RLF: variants seen among roughly 807,000 people sequenced by gnomAD.
RLF encodes zinc finger protein Rlf.
Under a neutral mutation model 162.9 loss-of-function variants are expected in RLF, and 7 were observed. The observed-to-expected ratio is 0.04, with a 90% CI of 0.02 to 0.08. The LOEUF is 0.08. RLF is among the 10% of genes least tolerant of loss of function. RLF has a pLI of 1.00. For missense variants in RLF, 1,664 were observed against 2,244.7 expected, an observed-to-expected ratio of 0.74 and a Z score of 5.23; for synonymous variants, 782 against 791.5, an observed-to-expected ratio of 0.99 and a Z score of 0.20.
At chr1:40,225,873 C>T (rs930630502) in intron 6 of RLF, among the ~76,000 whole-genome samples, 18 of 115,858 alleles carry the variant, frequency 1.6e-4, no homozygotes, top group African/African-American at 2.5e-4. Flanking sequence ...AGCGAGACTC[C>T]GTCGCAAAAA....
chr1:40,164,417 A>T (rs1003398326), intron 1 of RLF, among the ~76,000 whole-genome samples: 1 of 152,208 alleles, frequency 6.6e-6, no homozygotes, highest in Non-Finnish European at 1.5e-5. Flanking sequence ...TTCAATTTTC[A>T]TAAGTTTGTG....
At chr1:40,203,140 G>T (rs1642741631) in intron 5 of RLF, among the ~76,000 whole-genome samples, 1 of 130,794 alleles carries the variant, frequency 7.6e-6, no homozygotes. Context: ...TTTGAGACAA[G>T]GTCTTGCTCT....
chr1:40,202,825 T>C (rs141248437), intron 5 of RLF, among the ~76,000 whole-genome samples: 1 of 152,152 alleles, frequency 6.6e-6, no homozygotes, highest in African/African-American at 2.4e-5. Context: ...CTAAAGAATA[T>C]ACAGAGGCAT....
At chr1:40,197,398 C>T (rs1326870049) in intron 4 of RLF, among the ~76,000 whole-genome samples, 1 of 152,160 alleles carries the variant, frequency 6.6e-6, no homozygotes, top group Non-Finnish European at 1.5e-5. Flanking sequence ...ATTTCAGAAA[C>T]ATCCCAGAAT....
intron 1 of RLF, among the ~76,000 whole-genome samples, chr1:40,175,588 G>A (rs180734609): frequency 6.6e-6 from 1 of 152,168 alleles, no homozygotes; most frequent in South Asian, 2.1e-4. Flanking sequence ...GGCGGAGGTT[G>A]CAGTGAGCTG....
rs774407766 is a variant in RLF at position 40,237,979 on chromosome 1, G to T, written c.3277G>T (p.Ala1093Ser). Residue 1093 changes from alanine to serine, a missense_variant, in exon 8 of 8, where the codon GCT (alanine) becomes TCT (serine). Around this residue, in one of 15 missense-constraint regions of RLF, gnomAD observed 295 missense variants for 317.4 expected, o/e 0.93. Transcript: ENST00000372771. The surrounding 1 kb of genome is among the most constrained non-coding windows in gnomAD (Gnocchi z 4.4). The stretch of plus-strand genomic sequence containing the variant: ...ATTGCAGGGGTACCCATCCAGTGGT[G>T]CTAAGTCTCTTCAGTCAGTTTCATC... Reference protein sequence around the residue: ...GSLQGYPSSGAKSLQSVSSIS... With the variant: ...GSLQGYPSSGSKSLQSVSSIS... 1 of 1,614,108 alleles carries T rather than the reference G, an allele frequency of 6.2e-7. No individual in the cohort carries two copies. The highest frequency in any genetic ancestry group is 1.1e-5 in the South Asian group (1 of 91,068).
chr1:40,202,459 A>G lies in RLF; in HGVS notation c.655A>G (p.Ile219Val), dbSNP rs774340704. The change falls in exon 5 of 8, where the codon ATA (isoleucine) becomes GTA (valine). Residue 219 changes from isoleucine to valine, a missense_variant. By Grantham distance (29) the Ile-to-Val change is conservative. Around this residue, in one of 15 missense-constraint regions of RLF, gnomAD observed 287 missense variants for 404.9 expected, o/e 0.71. Transcript: ENST00000372771. The part of the protein sequence containing the change: ...QEGPSFLQMR[I>V]KHLLKSNCIP... ...AGGACCTTCCTTTCTGCAAATGCGA[A>G]TAAAACATTTGTTGAAATCTAACTG... 12 of 1,582,768 alleles carry G rather than the reference A, an allele frequency of 7.6e-6. No homozygotes were observed. Among genetic ancestry groups the G allele is most frequent in the East Asian group, 2.3e-5 (1 of 43,384 alleles).
In RLF at chr1:40,231,570, A is replaced by G; in HGVS notation, c.1001A>G (p.Asp334Gly). Residue 334 changes from aspartate to glycine, a missense_variant, in exon 7 of 8, where the codon GAT becomes GGT. Transcript: ENST00000372771. The part of the protein sequence containing the change: ...KLQRRIDPSL[D>G]TFLERCRQFG... The stretch of plus-strand genomic sequence containing the variant: ...CAAAGAAGAATTGACCCTTCTTTAG[A>G]TACTTTTTTGGAGCGCTGTCGTCAG... 1 of 1,614,050 alleles carries G rather than the reference A, an allele frequency of 6.2e-7. No homozygotes were observed. The highest frequency in any genetic ancestry group is 8.5e-7 in the Non-Finnish European group (1 of 1,179,926).
At chr1:40,212,685 G>C (rs568870125) in intron 5 of RLF, among the ~76,000 whole-genome samples, 66 of 152,270 alleles carry the variant, frequency 4.3e-4, no homozygotes, top group African/African-American at 1.5e-3. Context: ...TTCGGTATCT[G>C]ACGTGGTTGA....
intron 1 of RLF, among the ~76,000 whole-genome samples, chr1:40,187,579 C>T (rs145124286): frequency 4.7e-4 from 71 of 152,230 alleles, no homozygotes; most frequent in Middle Eastern, 3.4e-3. Flanking sequence ...GGTCGGTATA[C>T]TAAAAATAGC....
At position 40,201,142 on chromosome 1, in the gene RLF, A is replaced by G. The variant is rs1241203272; in HGVS notation, c.608-1270A>G. 8.5e-5 allele frequency among the ~76,000 whole-genome samples: 12 copies of G among 140,860 alleles called. No individual in the cohort carries two copies. In the East Asian group the frequency reaches 2.2e-3, roughly 26 times the overall value. 92.4% of individuals were successfully genotyped at this position (140,860 alleles called of 152,430 possible). ...TTTCAGGTCCCAGACCTAATAAATC[A>G]GAATCTGCATTTTAATAAGCTCCCT... On this transcript the variant is annotated intron_variant, in intron 4 of 7. Coordinates refer to ENST00000372771, the MANE Select transcript of RLF (RefSeq NM_012421.4).
Position 40,238,775 on chromosome 1 carries a change from G to T in RLF, c.4073G>T (p.Cys1358Phe). The change falls in exon 8 of 8, where the codon TGT becomes TTT. Residue 1358 changes from cysteine to phenylalanine, a missense_variant. Cys to Phe is a radical substitution (Grantham distance 205). This residue lies in a region of RLF where 200 missense variants were observed against 207.3 expected (regional missense o/e 0.96). Transcript: ENST00000372771. The surrounding 1 kb of genome is among the most constrained non-coding windows in gnomAD (Gnocchi z 5.2). ...KARTKRELVK[C>F]KKIFACKYKE... ...AGAACCAAAAGGGAACTTGTCAAAT[G>T]TAAAAAGATATTTGCTTGCAAATAT... The T allele has an allele frequency of 6.2e-7, 1 of 1,612,900 alleles. No homozygotes were observed. Among genetic ancestry groups the T allele is most frequent in the Non-Finnish European group, 8.5e-7 (1 of 1,179,622 alleles).
intron 5 of RLF, among the ~76,000 whole-genome samples, chr1:40,203,415 C>T (rs71646701): frequency 1.3e-5 from 2 of 151,540 alleles, no homozygotes; most frequent in Non-Finnish European, 2.9e-5. Context: ...TGGTGGTGGG[C>T]GCCTGTAATC....
At chr1:40,186,991 AT>A (rs1642490224) in intron 1 of RLF, among the ~76,000 whole-genome samples, 1 of 151,814 alleles carries the variant, frequency 6.6e-6, no homozygotes, top group Non-Finnish European at 1.5e-5. Context: ...CTAAACCAGA[AT>A]TTTTTTGTAA....
chr1:40,189,365 A>T (rs1642526839), intron 2 of RLF, among the ~76,000 whole-genome samples, 156 bp downstream of exon 2: 1 of 152,098 alleles, frequency 6.6e-6, no homozygotes, highest in Non-Finnish European at 1.5e-5. Flanking sequence ...TTCCCAGGAG[A>T]TATAGTCCAA....
intron 5 of RLF, among the ~76,000 whole-genome samples, chr1:40,210,586 A>G (rs1570547197): frequency 6.6e-6 from 1 of 152,362 alleles, no homozygotes; most frequent in East Asian, 1.9e-4. Flanking sequence ...AGAAATTAAG[A>G]AGGCTTTGCA....
chr1:40,187,650 G>C (rs1035566232), intron 1 of RLF, among the ~76,000 whole-genome samples: 4 of 152,058 alleles, frequency 2.6e-5, no homozygotes, highest in African/African-American at 9.7e-5. Context: ...TTAGTTAAGG[G>C]AACTTTTACT....
rs761689681 is a variant in RLF, at chr1:40,239,486, G to A, written c.4784G>A (p.Gly1595Asp). ...AATCTTGTTGTTTGCGTTAAGTACG[G>A]TACCAAAATTAAGGAGGAACCCCCT... ...MENLVVCVKY[G>D]TKIKEEPPSE... The change falls in exon 8 of 8, where the codon GGT (glycine) becomes GAT (aspartate). Residue 1595 changes from glycine (G) to aspartate (D), a missense_variant. By Grantham distance (94) the Gly-to-Asp change is moderately conservative. This residue lies in a region of RLF where 327 missense variants were observed against 342.7 expected (regional missense o/e 0.95). Transcript: ENST00000372771. The A allele has an allele frequency of 1.9e-6, 3 of 1,614,002 alleles. No homozygotes were observed. In the Admixed American group the frequency reaches 5.0e-5, roughly 27 times the overall value.
intron 1 of RLF, among the ~76,000 whole-genome samples, chr1:40,174,075 A>G (rs931920149): frequency 6.6e-6 from 1 of 152,182 alleles, no homozygotes; most frequent in Non-Finnish European, 1.5e-5. Flanking sequence ...GCTAACTTTA[A>G]AAAATGTTGT....
Sources: gnomAD v4.1 joint callset for allele counts (sites outside exome capture counted in the v4.1 genomes callset) on GRCh38, gnomAD v4.1.1 for gene constraint, gnomAD v4.1.1 regional missense constraint, Gnocchi (gnomAD v3.1) non-coding constraint, MANE v1.5 for transcripts, NCBI Gene and HGNC (gene_info 2026-07-23, HGNC 2026-07-21) for gene names.